SS18L1: variants seen among roughly 807,000 people sequenced by gnomAD.
SS18L1 encodes the protein SS18L1 subunit of BAF chromatin remodeling complex.
Under a neutral mutation model 70.3 loss-of-function variants are expected in SS18L1, and 32 were observed. That is an observed-to-expected ratio of 0.46 (90% CI 0.34 to 0.61). SS18L1 has a LOEUF of 0.61. Ranked by LOEUF, SS18L1 falls within the 20% of genes least tolerant of loss-of-function variation. The pLI is 0.01. For missense variants in SS18L1, 430 were observed against 542.1 expected (o/e 0.79, Z 2.05); for synonymous variants, 237 against 229.7 (o/e 1.03, Z -0.29).
chr20:62,174,949 G>A lies in SS18L1; in HGVS notation c.1164+305G>A. 2.0e-6 allele frequency: 2 copies of A among 977,196 alleles called. No homozygotes were observed. The highest frequency in any genetic ancestry group is 2.4e-6 in the Non-Finnish European group (2 of 822,450). 60.5% of individuals were successfully genotyped at this position (977,196 alleles called of 1,614,324 possible). The stretch of plus-strand genomic sequence containing the variant: ...TGGGTACGCGTCCGGTCTCTGCTGA[G>A]TGCTTGGTGTGTGGCCGCGACACGA... On this transcript the variant is annotated intron_variant, in intron 10 of 10. Coordinates refer to ENST00000331758, the MANE Select transcript of SS18L1 (RefSeq NM_198935.3). This position sits in a 1 kb window ranked among gnomAD's most constrained non-coding sequence, Gnocchi z 4.1.
intron 1 of SS18L1, among the ~76,000 whole-genome samples, chr20:62,151,257 C>T (rs2057123948): frequency 6.6e-6 from 1 of 152,330 alleles, no homozygotes; most frequent in Admixed American, 6.5e-5. Context: ...CAGTTAGGAC[C>T]CCACGGTGGG....
intron 8 of SS18L1, 44 bp from the exon 9 acceptor site, chr20:62,172,638 G>GC (rs1366279587): frequency 1.4e-5 from 23 of 1,613,576 alleles, no homozygotes; most frequent in Non-Finnish European, 1.9e-5. Context: ...AGCCCCCTTA[G>GC]CCCAGGTGGG....
In SS18L1 at chr20:62,158,797, C is replaced by CT. The variant is rs747163048; in HGVS notation, c.146+50dup. 15 of 1,612,650 alleles carry CT rather than the reference C, an allele frequency of 9.3e-6. 1 individual carries two copies. In the South Asian group the frequency reaches 1.5e-4, roughly 17 times the overall value. On this transcript the variant is annotated intron_variant, in intron 2 of 10. Transcript: ENST00000331758. This position sits in a 1 kb window ranked among gnomAD's most constrained non-coding sequence, Gnocchi z 4.5. ...ACACTTGGAGGGTGTCATGCAGAGT[C>CT]TAAGCACAGAGGCCAGATACGTCCC... is the stretch of plus-strand genomic sequence containing the variant.
intron 5 of SS18L1, among the ~76,000 whole-genome samples, chr20:62,163,247 G>T (rs1031018449): frequency 1.7e-4 from 26 of 152,188 alleles, no homozygotes; most frequent in African/African-American, 4.8e-4. Flanking sequence ...TCTCAGAGGT[G>T]GGGTAGAGTC....
At position 62,179,170 on chromosome 20, in the gene SS18L1, G is replaced by C; in HGVS notation, c.1165-12G>C. 1 of 1,614,142 alleles carries C rather than the reference G, an allele frequency of 6.2e-7. No homozygotes were observed. The highest frequency in any genetic ancestry group is 8.5e-7 in the Non-Finnish European group (1 of 1,179,988). ...ACTATAGGGGTGTAATCTGTGTCTT[G>C]ATCTCTTTTAGGGCCAGTATGGAAA... On this transcript the variant is annotated splice_polypyrimidine_tract_variant and intron_variant, in intron 10 of 10. Coordinates refer to ENST00000331758, the MANE Select transcript of SS18L1 (RefSeq NM_198935.3).
rs764810744 is a variant in SS18L1 at position 62,174,521 on chromosome 20, T to G, written c.1041T>G (p.Ser347=). 1.9e-6 allele frequency: 3 copies of G among 1,613,814 alleles called. No individual in the cohort carries two copies. In the South Asian group the frequency reaches 3.3e-5, roughly 18 times the overall value. ...CGGTTCCTGGTGTCTTCTCAGGGTC[T>G]GCCCAGGGAGCCCCGTCACAGTACC... is the stretch of plus-strand genomic sequence containing the variant. ...SYPGQQQGYG[S]AQGAPSQYPG... The change falls in exon 10 of 11, where the codon TCT becomes TCG. Residue 347 remains serine, a synonymous_variant. Coordinates refer to ENST00000331758, the MANE Select transcript of SS18L1 (RefSeq NM_198935.3). This position sits in a 1 kb window ranked among gnomAD's most constrained non-coding sequence, Gnocchi z 4.1.
chr20:62,174,983 CT>C lies in SS18L1; in HGVS notation c.1164+343del, dbSNP rs2057596152. 1 of 890,462 alleles carries C rather than the reference CT, an allele frequency of 1.1e-6. No individual in the cohort carries two copies. The highest frequency in any genetic ancestry group is 5.7e-4 in the Middle Eastern group (1 of 1,748). The allele number at this position is 890,462 out of a possible 1,614,324, so 55.2% of individuals were successfully genotyped here. A position where few individuals can be genotyped will look rare whatever the true frequency, so the allele number is the denominator to read the frequency against. On this transcript the variant is annotated intron_variant, in intron 10 of 10. Coordinates refer to ENST00000331758, the MANE Select transcript of SS18L1 (RefSeq NM_198935.3). The surrounding 1 kb of genome is among the most constrained non-coding windows in gnomAD (Gnocchi z 4.1). ...GTGTGGCCGCGACACGAACCCTGCA[CT>C]TTTAGAGCTTATGTCTCGCTACAGA... is the stretch of plus-strand genomic sequence containing the variant.
rs781219206 is a variant in SS18L1 at position 62,161,009 on chromosome 20, G to A, written c.232-427G>A. Among the ~76,000 whole-genome samples the A allele has an allele frequency of 8.6e-5, 13 of 151,882 alleles. No homozygotes were observed. Among genetic ancestry groups the A allele is most frequent in the South Asian group, 2.1e-4 (1 of 4,778 alleles). On this transcript the variant is annotated intron_variant, in intron 3 of 10. Transcript: ENST00000331758. This position sits in a 1 kb window ranked among gnomAD's most constrained non-coding sequence, Gnocchi z 4.4. ...GAAGGGGCACATGCAGCAGGAGCAC[G>A]GGAAACAGGAGAGGGATCCCACCTC...
At chr20:62,154,094 G>A (rs543965104) in intron 1 of SS18L1, among the ~76,000 whole-genome samples, 10 of 152,300 alleles carry the variant, frequency 6.6e-5, no homozygotes, top group South Asian at 4.1e-4. Context: ...ACATGACGCC[G>A]TACAAAGATT....
chr20:62,145,323 G>GT (rs1207641094), intron 1 of SS18L1, among the ~76,000 whole-genome samples: 2 of 151,862 alleles, frequency 1.3e-5, no homozygotes, highest in African/African-American at 2.4e-5. Context: ...GGCCTAGGGG[G>GT]GCTAAATGCC....
intron 4 of SS18L1, among the ~76,000 whole-genome samples, chr20:62,162,289 G>A (rs1384068134): frequency 2.0e-5 from 3 of 151,280 alleles, no homozygotes; most frequent in Non-Finnish European, 2.9e-5. Flanking sequence ...TAGCATGTAC[G>A]CTGCTTTGTT....
chr20:62,157,869 C>T (rs1013464039), intron 1 of SS18L1, among the ~76,000 whole-genome samples: 2 of 146,492 alleles, frequency 1.4e-5, no homozygotes, highest in African/African-American at 2.5e-5. Context: ...TCTGCCCCCA[C>T]GCCGGCCTGT....
intron 10 of SS18L1, among the ~76,000 whole-genome samples, chr20:62,177,338 G>T (rs2057637031): frequency 6.6e-6 from 1 of 152,056 alleles, no homozygotes; most frequent in African/African-American, 2.4e-5. Context: ...GGGCTCCAGG[G>T]CTGCCATGCC....
chr20:62,165,425 A>G lies in SS18L1; in HGVS notation c.827A>G (p.His276Arg), dbSNP rs779886254. The change falls in exon 8 of 11, where the codon CAT (histidine) becomes CGT (arginine). Residue 276 changes from histidine to arginine, a missense_variant. Coordinates refer to ENST00000331758, the MANE Select transcript of SS18L1 (RefSeq NM_198935.3). ...TCGCCGTCTCCGTTTCGCACAGGCC[A>G]TGGCGATTACGCCTACCAGCAGTCA... is the stretch of plus-strand genomic sequence containing the variant. ...PMGQQYYPDG[H>R]GDYAYQQSSY... The G allele has an allele frequency of 6.8e-6, 11 of 1,611,914 alleles. No homozygotes were observed. The highest frequency in any genetic ancestry group is 8.5e-6 in the Non-Finnish European group (10 of 1,179,476).
At chr20:62,150,382 G>A (rs1214667297) in intron 1 of SS18L1, among the ~76,000 whole-genome samples, 1 of 152,168 alleles carries the variant, frequency 6.6e-6, no homozygotes, top group Non-Finnish European at 1.5e-5. Flanking sequence ...TAGCGCAGGT[G>A]CCATCGCTGG....
At chr20:62,173,381 C>G (rs1016813339) in intron 9 of SS18L1, among the ~76,000 whole-genome samples, 1 of 152,378 alleles carries the variant, frequency 6.6e-6, no homozygotes, top group Non-Finnish European at 1.5e-5. Context: ...TGTGCTTATT[C>G]AGCCCTTTAC....
intron 1 of SS18L1, among the ~76,000 whole-genome samples, chr20:62,146,362 C>T (rs774925820): frequency 3.9e-5 from 6 of 152,212 alleles, no homozygotes; most frequent in Non-Finnish European, 8.8e-5. Flanking sequence ...ATCTGTGACG[C>T]TGGTCCCATC....
intron 10 of SS18L1, among the ~76,000 whole-genome samples, chr20:62,178,046 G>T (rs1231012577): frequency 4.3e-5 from 6 of 140,486 alleles, no homozygotes. Context: ...TTAAGACAGG[G>T]TCTCACTCTG....
chr20:62,171,900 C>T (rs749171915), intron 8 of SS18L1, among the ~76,000 whole-genome samples: 1 of 152,138 alleles, frequency 6.6e-6, no homozygotes, highest in Non-Finnish European at 1.5e-5. Flanking sequence ...CCGTGGCTCA[C>T]GCCTGTAATC....
Sources: allele counts gnomAD v4.1 joint callset (sites outside exome capture counted in the v4.1 genomes callset), GRCh38; gene constraint gnomAD v4.1.1; non-coding constraint Gnocchi (gnomAD v3.1); transcripts MANE v1.5; gene names NCBI Gene and HGNC (gene_info 2026-07-23, HGNC 2026-07-21).